Variants in NINL observed in about 807,000 individuals in gnomAD.
NINL encodes ninein-like protein.
A neutral mutation model predicts 160.3 loss-of-function variants in NINL; 153 were observed. The observed-to-expected ratio is 0.95, with a 90% CI of 0.84 to 1.09. The LOEUF (loss-of-function observed/expected upper bound fraction) is 1.09, where lower values mean the gene tolerates loss of function less well. Among genes scored for constraint, NINL ranks in the 50% least tolerant of loss-of-function variants. The probability of loss-of-function intolerance (pLI) is 0.00; values close to 1 mark genes in which losing one functional copy is unlikely to be tolerated. For synonymous variants in NINL, 800 were observed against 734.8 expected (o/e 1.09, Z -1.43); for missense variants, 1,829 against 1,764.0 (o/e 1.04, Z -0.66).
Position 25,470,096 on chromosome 20 carries a change from C to A in NINL, c.3249-1G>T. ...TTCAGAAAGTCTATGGAACTCCAGT[C>A]TGCGTAAAAATTGAGAAAAGACCGG... On this transcript the variant is annotated splice_acceptor_variant, in intron 17 of 23. Transcript: ENST00000278886. LOFTEE classifies it high-confidence loss of function. 6.2e-7 allele frequency: 1 copy of A among 1,613,420 alleles called. No individual in the cohort carries two copies. The highest frequency in any genetic ancestry group is 1.1e-5 in the South Asian group (1 of 91,062).
At chr20:25,453,945 G>A (rs2090602575) in intron 23 of NINL, among the ~76,000 whole-genome samples, 1 of 152,182 alleles carries the variant, frequency 6.6e-6, no homozygotes, top group African/African-American at 2.4e-5. Flanking sequence ...CCAGCTACCC[G>A]GGAGGCTGAG....
intron 1 of NINL, among the ~76,000 whole-genome samples, chr20:25,578,424 A>G (rs535398766): frequency 2.6e-5 from 4 of 152,148 alleles, no homozygotes; most frequent in Admixed American, 2.0e-4. Context: ...TGTTATTTCC[A>G]TGGGCGCACA....
chr20:25,502,748 C>T (rs1352778494), intron 7 of NINL, among the ~76,000 whole-genome samples: 3 of 152,126 alleles, frequency 2.0e-5, no homozygotes, highest in Non-Finnish European at 2.9e-5. Context: ...CCTCCCCCCT[C>T]GCTTTCTTGC....
At position 25,476,624 on chromosome 20, in the gene NINL, CTG is replaced by C. The variant is rs2063252013; in HGVS notation, c.2665_2666del (p.Gln889GlufsTer84). 6.3e-7 allele frequency: 1 copy of C among 1,592,552 alleles called. No homozygotes were observed. Among genetic ancestry groups the C allele is most frequent in the African/African-American group, 1.3e-5 (1 of 74,880 alleles). Reference protein sequence around the residue: ...RRQAQDTEATQSPAPAPAPAS... With the variant: ...RRQAQDTEATXSPAPAPAPAS... ...CCGGGGCAGGGGCGGGGGCCGGGCT[CTG>C]CGTAGCTTCTGTGTCCTGGGCTTGC... is the stretch of plus-strand genomic sequence containing the variant. On this transcript the variant is annotated frameshift_variant, in exon 17 of 24. Transcript: ENST00000278886. LOFTEE classifies it high-confidence loss of function.
At chr20:25,473,919 C>T (rs2063170712) in intron 17 of NINL, among the ~76,000 whole-genome samples, 1 of 152,008 alleles carries the variant, frequency 6.6e-6, no homozygotes, top group Admixed American at 6.6e-5. Context: ...GAAATGCACA[C>T]AGCAAATAAA....
chr20:25,469,085 C>T (rs1271100179), intron 18 of NINL, among the ~76,000 whole-genome samples: 2 of 146,400 alleles, frequency 1.4e-5, no homozygotes, highest in Non-Finnish European at 3.0e-5. Flanking sequence ...ACTGCCCTGT[C>T]CCCTGACTCT....
At chr20:25,500,658 A>G (rs1196579779) in intron 8 of NINL, among the ~76,000 whole-genome samples, 182 bp downstream of exon 8, 8 of 152,216 alleles carry the variant, frequency 5.3e-5, no homozygotes, top group Admixed American at 5.2e-4. Flanking sequence ...ATAATGTCCT[A>G]TATTTTAGTA....
At chr20:25,473,969 A>C (rs2063171236) in intron 17 of NINL, among the ~76,000 whole-genome samples, 1 of 152,250 alleles carries the variant, frequency 6.6e-6, no homozygotes, top group Non-Finnish European at 1.5e-5. Context: ...ACCAGAGCAC[A>C]AAAGTCAGAT....
chr20:25,574,685 G>A (rs2065094766), intron 1 of NINL, among the ~76,000 whole-genome samples: 1 of 152,186 alleles, frequency 6.6e-6, no homozygotes, highest in African/African-American at 2.4e-5. Context: ...GGAAACAGAG[G>A]AAGCACAGAT....
intron 17 of NINL, among the ~76,000 whole-genome samples, chr20:25,473,161 G>A (rs1411796857): frequency 1.3e-5 from 2 of 152,170 alleles, no homozygotes; most frequent in Admixed American, 1.3e-4. Flanking sequence ...CAAGCAAACT[G>A]AATCTATGCT....
At chr20:25,577,866 C>G (rs556409106) in intron 1 of NINL, among the ~76,000 whole-genome samples, 51 of 148,670 alleles carry the variant, frequency 3.4e-4, no homozygotes, top group South Asian at 8.5e-4. Flanking sequence ...GAGTTTCACT[C>G]TCGTTGCCCA....
At position 25,477,011 on chromosome 20, in the gene NINL, C is replaced by T. The variant is rs1350791344; in HGVS notation, c.2280G>A (p.Glu760=). 1.2e-6 allele frequency: 2 copies of T among 1,601,354 alleles called. No individual in the cohort carries two copies. Among genetic ancestry groups the T allele is most frequent in the Non-Finnish European group, 8.5e-7 (1 of 1,179,738 alleles). The change falls in exon 17 of 24, where the codon GAG becomes GAA. Residue 760 remains glutamate (E), a synonymous_variant. Coordinates refer to ENST00000278886, the MANE Select transcript of NINL (RefSeq NM_025176.6). ...ALPARRDLTL[E]LEEPPQGPLP... Reference sequence around the variant, plus strand: ...GGGGTCCCTGCGGCGGCTCCTCCAGCTCCAAGGTCAGGTCTCTGCGAGCGG... The same window carrying T: ...GGGGTCCCTGCGGCGGCTCCTCCAGTTCCAAGGTCAGGTCTCTGCGAGCGG...
intron 1 of NINL, among the ~76,000 whole-genome samples, chr20:25,539,809 G>A (rs1164017875): frequency 1.3e-5 from 2 of 152,224 alleles, no homozygotes; most frequent in African/African-American, 2.4e-5. Context: ...CTGTGTGAGG[G>A]CAGAGGCAAG....
At chr20:25,555,809 G>C (rs987148859) in intron 1 of NINL, among the ~76,000 whole-genome samples, 8 of 152,116 alleles carry the variant, frequency 5.3e-5, no homozygotes, top group Non-Finnish European at 8.8e-5. Flanking sequence ...CAAGTACGTA[G>C]GATTACAGGC....
intron 1 of NINL, among the ~76,000 whole-genome samples, chr20:25,576,807 T>A (rs921755544): frequency 6.6e-6 from 1 of 152,230 alleles, no homozygotes; most frequent in African/African-American, 2.4e-5. Flanking sequence ...AGTCTTACTT[T>A]ATGTGCACAG....
At chr20:25,504,671 G>T (rs2063928823) in intron 6 of NINL, among the ~76,000 whole-genome samples, 1 of 152,234 alleles carries the variant, frequency 6.6e-6, no homozygotes, top group Non-Finnish European at 1.5e-5. Context: ...GCGTGGCAGG[G>T]AGTCGGTGAG....
At chr20:25,510,309 G>A (rs922087430) in intron 5 of NINL, among the ~76,000 whole-genome samples, 1 of 152,246 alleles carries the variant, frequency 6.6e-6, no homozygotes, top group Non-Finnish European at 1.5e-5. Flanking sequence ...AGGTGCAGGG[G>A]CAGTCTGAGG....
chr20:25,552,343 G>A (rs2064815397), intron 1 of NINL, among the ~76,000 whole-genome samples: 1 of 151,974 alleles, frequency 6.6e-6, no homozygotes, highest in Admixed American at 6.6e-5. Flanking sequence ...AGACTAGCCT[G>A]AGCAGCATAG....
At chr20:25,457,184 CATGGTG>C (rs2090707938) in intron 22 of NINL, among the ~76,000 whole-genome samples, 1 of 151,978 alleles carries the variant, frequency 6.6e-6, no homozygotes, top group South Asian at 2.1e-4. Flanking sequence ...ATTAGCTGGG[CATGGTG>C]ATGCGTGCCT....
Sources: allele counts gnomAD v4.1 joint callset (sites outside exome capture counted in the v4.1 genomes callset), GRCh38; gene constraint gnomAD v4.1.1; transcripts MANE v1.5; gene names NCBI Gene and HGNC (gene_info 2026-07-23, HGNC 2026-07-21).